Variants in HERC2 observed in about 807,000 individuals in gnomAD.
HERC2 encodes HECT and RLD domain containing E3 ubiquitin protein ligase 2.
HERC2 carries 102 observed loss-of-function variants against 537.7 expected under a neutral mutation model. That is an observed-to-expected ratio of 0.19 (90% confidence interval 0.16 to 0.22). The LOEUF (loss-of-function observed/expected upper bound fraction) is 0.22. HERC2 is among the 10% of genes least tolerant of loss of function. The probability of loss-of-function intolerance (pLI) is 1.00; values close to 1 mark genes in which losing one functional copy is unlikely to be tolerated. For synonymous variants in HERC2, 2,224 were observed against 2,466.2 expected (o/e 0.90, Z 2.91); for missense variants, 4,236 against 6,198.2 (o/e 0.68, Z 10.63).
At position 28,208,973 on chromosome 15, in the gene HERC2, C is replaced by T. The variant is rs143324593; in HGVS notation, c.7069+2029G>A. On this transcript the variant is annotated intron_variant, in intron 44 of 92. Coordinates refer to ENST00000261609, the MANE Select transcript of HERC2 (RefSeq NM_004667.6). Reference sequence around the variant, plus strand: ...GACTTAGCATAATGTCTTTCAATAGCAGGAGATCAAAAAATGTTTTTTTCT... The same window carrying T: ...GACTTAGCATAATGTCTTTCAATAGTAGGAGATCAAAAAATGTTTTTTTCT... Among the ~76,000 whole-genome samples the T allele has an allele frequency of 1.9e-3, 284 of 152,266 alleles. 3 individuals carry two copies. Among genetic ancestry groups the T allele is most frequent in the Admixed American group, 0.016 (241 of 15,296 alleles).
intron 37 of HERC2, among the ~76,000 whole-genome samples, chr15:28,219,745 T>C (rs1335464871): frequency 6.6e-6 from 1 of 152,210 alleles, no homozygotes; most frequent in Non-Finnish European, 1.5e-5. Context: ...CTGATGACAC[T>C]GTAGCCATGG....
intron 20 of HERC2, among the ~76,000 whole-genome samples, chr15:28,252,949 G>A (rs866761527): frequency 1.3e-5 from 2 of 152,194 alleles, no homozygotes. Flanking sequence ...CCCATGAATA[G>A]GCCAGCTGAG....
Position 28,178,867 on chromosome 15 carries a change from TC to T in HERC2, c.9163+19del. On this transcript the variant is annotated intron_variant, in intron 59 of 92. Transcript: ENST00000261609. ...GAGCAAAGGCCGCCCCGCACAGGCC[TC>T]CTGGTGCTTGGCTTGTACCTGAGTG... 1 of 1,609,806 alleles carries T rather than the reference TC, an allele frequency of 6.2e-7. No homozygotes were observed. The highest frequency in any genetic ancestry group is 8.5e-7 in the Non-Finnish European group (1 of 1,178,406).
At chr15:28,295,244 G>A (rs2076430487) in intron 3 of HERC2, among the ~76,000 whole-genome samples, 1 of 144,754 alleles carries the variant, frequency 6.9e-6, no homozygotes, top group African/African-American at 2.6e-5. Flanking sequence ...ACCCAGCCAG[G>A]AACACAGCTC....
Position 28,139,387 on chromosome 15 carries a change from A to C in HERC2, c.12015+2045T>G, listed in dbSNP as rs551217952. Among the ~76,000 whole-genome samples the C allele has an allele frequency of 1.8e-3, 275 of 152,292 alleles. 1 individual carries two copies. The highest frequency in any genetic ancestry group is 3.4e-3 in the Middle Eastern group (1 of 294). ...CCACCCTGTGAGACGCTCTATGGAC[A>C]CGTGGCAAAGGGCTGAGTGAGGGGA... On this transcript the variant is annotated intron_variant, in intron 78 of 92. Coordinates refer to ENST00000261609, the MANE Select transcript of HERC2 (RefSeq NM_004667.6).
chr15:28,243,469 A>G (rs1567061320), intron 23 of HERC2, among the ~76,000 whole-genome samples: 1 of 152,354 alleles, frequency 6.6e-6, no homozygotes, highest in East Asian at 1.9e-4. Flanking sequence ...AAAAAGCTCC[A>G]TCAGAAATAG....
At chr15:28,266,929 C>T (rs1207549110) in intron 12 of HERC2, among the ~76,000 whole-genome samples, 17 of 151,986 alleles carry the variant, frequency 1.1e-4, no homozygotes, top group Admixed American at 7.9e-4. Context: ...TAAAGCTGAC[C>T]GACATTTATA....
chr15:28,115,281 G>A, intron 89 of HERC2, 148 bp downstream of exon 89: 1 of 218,276 alleles, frequency 4.6e-6, no homozygotes. Flanking sequence ...TTTTTTTTTT[G>A]CTACTCAAAG....
In HERC2 at chr15:28,186,702, G is replaced by T. The variant is rs139292388; in HGVS notation, c.8700C>A (p.Ile2900=). 2 of 1,613,800 alleles carry T rather than the reference G, an allele frequency of 1.2e-6. No individual in the cohort carries two copies. The highest frequency in any genetic ancestry group is 1.7e-6 in the Non-Finnish European group (2 of 1,179,890). The change falls in exon 56 of 93, where the codon ATC becomes ATA. Residue 2900 remains isoleucine, a synonymous_variant. Coordinates refer to ENST00000261609, the MANE Select transcript of HERC2 (RefSeq NM_004667.6). ...GGATGAGACCATGGATTTTACAATC[G>T]ATTCCTGAGCTCCTGCACTGCTTTA... ...IAIKQCRSSG[I]DCKIHGLILL...
intron 6 of HERC2, 100 bp downstream of exon 6, chr15:28,274,805 T>C (rs1351875455): frequency 9.1e-6 from 8 of 880,622 alleles, no homozygotes; most frequent in Non-Finnish European, 1.5e-5. Flanking sequence ...AGAGAGCACA[T>C]GGGATCAGCC....
chr15:28,236,903 T>A lies in HERC2; in HGVS notation c.4003+60A>T. The A allele has an allele frequency of 4.6e-6, 7 of 1,525,154 alleles. 1 individual carries two copies. Among genetic ancestry groups the A allele is most frequent in the Non-Finnish European group, 6.3e-6 (7 of 1,103,426 alleles). The allele number at this position is 1,525,154 out of a possible 1,614,324, so 94.5% of individuals were successfully genotyped here. ...GTGCCTGGCCCTCTCCCACTCTTAA[T>A]GGCACTTACAGTTCAAAAAAAATAA... On this transcript the variant is annotated intron_variant, in intron 26 of 92. Transcript: ENST00000261609.
intron 2 of HERC2, among the ~76,000 whole-genome samples, chr15:28,317,371 G>A (rs955704676): frequency 2.0e-5 from 3 of 152,170 alleles, no homozygotes; most frequent in South Asian, 2.1e-4. Context: ...TTACAGGCGT[G>A]AGCCACCGCG....
chr15:28,131,212 C>A (rs1890074838), intron 81 of HERC2, among the ~76,000 whole-genome samples: 1 of 152,166 alleles, frequency 6.6e-6, no homozygotes, highest in Non-Finnish European at 1.5e-5. Flanking sequence ...TCTGGCCCTA[C>A]CACAATGGCA....
chr15:28,300,471 T>C (rs1296658360), intron 2 of HERC2, among the ~76,000 whole-genome samples: 1 of 150,912 alleles, frequency 6.6e-6, no homozygotes, highest in Non-Finnish European at 1.5e-5. Flanking sequence ...TGTTGCACAA[T>C]AAAGCAGTGT....
intron 16 of HERC2, among the ~76,000 whole-genome samples, chr15:28,259,969 CAAAAAAAAA>C (rs35995546): frequency 8.9e-5 from 6 of 67,566 alleles, no homozygotes; most frequent in Admixed American, 1.7e-4. Flanking sequence ...CTCCATCTGG[CAAAAAAAAA>C]AAAAAAAAAA....
rs1887862037 is a variant in HERC2 at position 28,113,352 on chromosome 15, G to A, written c.14020-69C>T. The A allele has an allele frequency of 6.7e-6, 10 of 1,490,670 alleles. No individual in the cohort carries two copies. The highest frequency in any genetic ancestry group is 4.6e-5 in the South Asian group (4 of 86,282). The allele number at this position is 1,490,670 out of a possible 1,614,324, so 92.3% of individuals were successfully genotyped here. ...TGGCATTTCCGCAAGACTCCGTCAC[G>A]CTCCCTCTCTACACCAAGGCCTGTT... On this transcript the variant is annotated intron_variant, in intron 91 of 92. Transcript: ENST00000261609. The surrounding 1 kb of genome is among the most constrained non-coding windows in gnomAD (Gnocchi z 7.0).
At chr15:28,308,390 TG>T (rs1189323943) in intron 2 of HERC2, among the ~76,000 whole-genome samples, 1 of 152,258 alleles carries the variant, frequency 6.6e-6, no homozygotes, top group Non-Finnish European at 1.5e-5. Flanking sequence ...TACTGATTTT[TG>T]TATGTTGATT....
At chr15:28,225,299 A>G (rs1901007267) in intron 35 of HERC2, among the ~76,000 whole-genome samples, 1 of 152,148 alleles carries the variant, frequency 6.6e-6, no homozygotes, top group African/African-American at 2.4e-5. Context: ...GAAGGAAACG[A>G]TAGAGATTAG....
intron 2 of HERC2, among the ~76,000 whole-genome samples, chr15:28,316,923 C>A (rs535396899): frequency 1.3e-5 from 2 of 151,692 alleles, no homozygotes; most frequent in Non-Finnish European, 2.9e-5. Context: ...ACTACAGGCA[C>A]GTGCCACCAC....
Sources: gnomAD v4.1 joint callset for allele counts (sites outside exome capture counted in the v4.1 genomes callset) on GRCh38, gnomAD v4.1.1 for gene constraint, Gnocchi (gnomAD v3.1) non-coding constraint, MANE v1.5 for transcripts, NCBI Gene and HGNC (gene_info 2026-07-23, HGNC 2026-07-21) for gene names.